CLEC1A: variants seen among roughly 807,000 people sequenced by gnomAD.
The protein encoded by CLEC1A is C-type lectin-like receptor-1.
In CLEC1A, 34 loss-of-function variants were observed where a neutral mutation model predicts 28.7. The ratio of observed to expected loss-of-function variants is 1.18; its 90% CI spans 0.90 to 1.57. The LOEUF is 1.57. CLEC1A is among the 40% of genes most tolerant of loss of function. The pLI is 0.00. For synonymous variants in CLEC1A, 116 were observed against 121.0 expected, an observed-to-expected ratio of 0.96 and a Z score of 0.27; for missense variants, 385 against 339.5, an observed-to-expected ratio of 1.13 and a Z score of -1.05.
At chr12:10,091,377 T>C (rs983339643) in intron 1 of CLEC1A, among the ~76,000 whole-genome samples, 2 of 151,342 alleles carry the variant, frequency 1.3e-5, no homozygotes, top group Admixed American at 6.6e-5. Context: ...TTCTCCAAAG[T>C]TAAGTTTACA....
At chr12:10,087,475 TATA>T (rs1866521532) in intron 2 of CLEC1A, among the ~76,000 whole-genome samples, 2 of 1,412 alleles carry the variant, frequency 1.4e-3, no homozygotes, top group African/African-American at 1.3e-3. Context: ...CTCAAAGTTA[TATA>T]TATATATATA....
intron 2 of CLEC1A, among the ~76,000 whole-genome samples, chr12:10,082,332 G>A (rs777166713): frequency 7.2e-5 from 11 of 152,124 alleles, no homozygotes; most frequent in Non-Finnish European, 1.5e-4. Context: ...TATAAACTTC[G>A]TGGTGTTGGT....
chr12:10,086,105 T>A (rs575764006), intron 2 of CLEC1A, among the ~76,000 whole-genome samples: 1 of 152,022 alleles, frequency 6.6e-6, no homozygotes, highest in African/African-American at 2.4e-5. Flanking sequence ...AACAACGAAA[T>A]CAAGATAGAG....
chr12:10,085,535 G>GA (rs1866473077), intron 2 of CLEC1A, among the ~76,000 whole-genome samples: 1 of 20,058 alleles, frequency 5.0e-5, no homozygotes, highest in East Asian at 6.0e-4. Flanking sequence ...AGCAAAAACA[G>GA]TAAAAAAAAA....
At chr12:10,079,830 T>A (rs891813033) in intron 3 of CLEC1A, among the ~76,000 whole-genome samples, 2 of 151,406 alleles carry the variant, frequency 1.3e-5, no homozygotes, top group Admixed American at 1.3e-4. Context: ...AAAAAAAAAA[T>A]TAAAAATAAA....
chr12:10,084,036 T>C (rs1184245488), intron 2 of CLEC1A: 1 of 151,700 alleles, frequency 6.6e-6, no homozygotes, highest in Non-Finnish European at 1.5e-5. Context: ...TCCAAGTAAG[T>C]TGGAGTTATA....
chr12:10,073,791 T>C (rs1343080707), intron 4 of CLEC1A, among the ~76,000 whole-genome samples: 13 of 151,938 alleles, frequency 8.6e-5, no homozygotes, highest in Non-Finnish European at 7.4e-5. Context: ...GAGGGAAAAG[T>C]GCAGGAATGA....
chr12:10,073,330 AG>A lies in CLEC1A; in HGVS notation c.624del (p.Trp209GlyfsTer17), dbSNP rs763786699. On this transcript the variant is annotated frameshift_variant, in exon 5 of 6. Coordinates refer to ENST00000315330, the MANE Select transcript of CLEC1A (RefSeq NM_016511.4). LOFTEE classifies it low-confidence loss of function (END_TRUNC). ...TGLLRPDSGK[A>X]WLWMDGTPFT... ...AAAGGGGTTCCATCCATCCACAGCC[AG>A]GCCTTGCCACTGTCAGGGCGCAAAA... 5.8e-5 allele frequency: 94 copies of A among 1,614,040 alleles called. 1 individual carries two copies. The highest frequency in any genetic ancestry group is 2.0e-4 in the South Asian group (18 of 91,082).
intron 3 of CLEC1A, 49 bp from the exon 4 acceptor site, chr12:10,075,704 G>T (rs1295838957): frequency 1.6e-5 from 25 of 1,552,030 alleles, no homozygotes; most frequent in Non-Finnish European, 1.9e-5. Context: ...AGTCTGTCTT[G>T]CTCCTCTCTT....
intron 2 of CLEC1A, among the ~76,000 whole-genome samples, chr12:10,085,774 G>A (rs1282014654): frequency 6.6e-6 from 1 of 152,094 alleles, no homozygotes; most frequent in East Asian, 1.9e-4. Context: ...AAGACAGAAA[G>A]TCAACAATGA....
chr12:10,086,671 T>C (rs527415548), intron 2 of CLEC1A, among the ~76,000 whole-genome samples: 28 of 152,104 alleles, frequency 1.8e-4, no homozygotes, highest in Non-Finnish European at 3.2e-4. Context: ...ATAAAAACAT[T>C]GCCAACAAAT....
intron 1 of CLEC1A, among the ~76,000 whole-genome samples, chr12:10,097,516 A>G (rs1021245091): frequency 6.6e-6 from 1 of 152,208 alleles, no homozygotes; most frequent in Non-Finnish European, 1.5e-5. Flanking sequence ...TTCCAAGACA[A>G]TTCTTTGTAA....
chr12:10,081,276 C>G lies in CLEC1A; in HGVS notation c.352G>C (p.Ala118Pro). ...IKLAGSLQHV[A>P]EKLCRELYNK... The stretch of plus-strand genomic sequence containing the variant: ...TACAGCTCACGACAGAGTTTTTCAG[C>G]CACATGCTGCAGACTTCCTGCAAGC... Residue 118 changes from alanine (A) to proline (P), a missense_variant, in exon 3 of 6, where the codon GCT becomes CCT. Coordinates refer to ENST00000315330, the MANE Select transcript of CLEC1A (RefSeq NM_016511.4). 6.2e-7 allele frequency: 1 copy of G among 1,610,582 alleles called. No homozygotes were observed. Among genetic ancestry groups the G allele is most frequent in the South Asian group, 1.1e-5 (1 of 90,516 alleles).
At chr12:10,091,655 TAA>T (rs11407068) in intron 1 of CLEC1A, among the ~76,000 whole-genome samples, 1 of 145,276 alleles carries the variant, frequency 6.9e-6, no homozygotes. Flanking sequence ...CAGCAGAACA[TAA>T]AAAAAAAAAA....
intron 5 of CLEC1A, 97 bp from the exon 6 acceptor site, chr12:10,071,610 G>T: frequency 9.9e-7 from 1 of 1,006,424 alleles, no homozygotes; most frequent in East Asian, 2.9e-5. Flanking sequence ...TTATAGTCTA[G>T]ATACCAGAAT....
rs1205775261 is a variant in CLEC1A, at chr12:10,071,160, CATA to C, written c.*170_*172del. On this transcript the variant is annotated 3_prime_UTR_variant, in exon 6 of 6. Transcript: ENST00000315330. ...ACTTCTTGTGACTGTTAAATACGTG[CATA>C]AACCCAAGCTCAGAAATGCTGGTGA... 1.8e-6 allele frequency: 1 copy of C among 563,088 alleles called. No homozygotes were observed. The highest frequency in any genetic ancestry group is 3.0e-6 in the Non-Finnish European group (1 of 332,690). 34.9% of individuals were successfully genotyped at this position (563,088 alleles called of 1,614,324 possible).
chr12:10,087,183 C>T (rs12301411), intron 2 of CLEC1A, among the ~76,000 whole-genome samples: 5,193 of 120,990 alleles, frequency 0.043, 245 homozygotes, highest in African/African-American at 0.12. Flanking sequence ...CCAGCCTGGG[C>T]GACAGTGTAA....
chr12:10,072,882 A>G (rs1450871238), intron 5 of CLEC1A, among the ~76,000 whole-genome samples: 1 of 152,102 alleles, frequency 6.6e-6, no homozygotes, highest in Non-Finnish European at 1.5e-5. Context: ...AGTTCTAAAC[A>G]AGACTGGGCA....
At chr12:10,089,302 G>T in intron 1 of CLEC1A, 80 bp from the exon 2 acceptor site, 1 of 1,142,272 alleles carries the variant, frequency 8.8e-7, no homozygotes, top group Non-Finnish European at 1.3e-6. Flanking sequence ...AGGGAGTGGA[G>T]TTAATTCTGC....
Sources: allele counts gnomAD v4.1 joint callset (sites outside exome capture counted in the v4.1 genomes callset), GRCh38; gene constraint gnomAD v4.1.1; transcripts MANE v1.5; gene names NCBI Gene and HGNC (gene_info 2026-07-23, HGNC 2026-07-21).